The following TRIP12 variants were observed in gnomAD, a reference collection of about 807,000 sequenced individuals.
The protein encoded by TRIP12 is E3 ubiquitin-protein ligase TRIP12.
Under a neutral mutation model 244.2 loss-of-function variants are expected in TRIP12, and 25 were observed. The ratio of observed to expected loss-of-function variants is 0.10; its 90% CI spans 0.07 to 0.14. TRIP12 has a LOEUF of 0.14. Ranked by LOEUF, TRIP12 falls within the 10% of genes least tolerant of loss-of-function variation. The probability of loss-of-function intolerance (pLI) is 1.00; values close to 1 mark genes in which losing one functional copy is unlikely to be tolerated. For missense variants in TRIP12, 1,677 were observed against 2,486.4 expected, an observed-to-expected ratio of 0.67 and a Z score of 6.92; for synonymous variants, 905 against 873.1, an observed-to-expected ratio of 1.04 and a Z score of -0.64.
chr2:229,901,320 A>C (rs35285421), intron 1 of TRIP12, among the ~76,000 whole-genome samples: 16,691 of 151,836 alleles, frequency 0.11, 1,275 homozygotes, highest in East Asian at 0.21. Context: ...AACTTTGGCC[A>C]GGCGCAGTGG....
At chr2:229,869,149 T>A (rs140187033) in intron 2 of TRIP12, among the ~76,000 whole-genome samples, 1 of 152,334 alleles carries the variant, frequency 6.6e-6, no homozygotes, top group East Asian at 1.9e-4. Context: ...AGGAGATGTT[T>A]TTTCCTGTAG....
intron 15 of TRIP12, among the ~76,000 whole-genome samples, chr2:229,809,892 A>G (rs1167633013): frequency 6.6e-6 from 1 of 152,228 alleles, no homozygotes; most frequent in Admixed American, 6.5e-5. Flanking sequence ...ATACTGCTAA[A>G]TATACTGTCT....
In TRIP12 at chr2:229,809,231, ATTT is replaced by A. The variant is rs375402675; in HGVS notation, c.2222-865_2222-863del. 5.3e-5 allele frequency among the ~76,000 whole-genome samples: 8 copies of A among 150,882 alleles called. No individual in the cohort carries two copies. In the East Asian group the frequency reaches 1.4e-3, roughly 26 times the overall value. On this transcript the variant is annotated intron_variant, in intron 15 of 41. Coordinates refer to ENST00000675903, the MANE Select transcript of TRIP12 (RefSeq NM_001348323.3). ...CAGAATTTCACAATTAGTGATTAAGATTTTTTTTTTAATTACAGTTTTGCAACT... is the reference window on the plus strand; with the variant it reads ...CAGAATTTCACAATTAGTGATTAAGATTTTTTTAATTACAGTTTTGCAACT...
intron 2 of TRIP12, among the ~76,000 whole-genome samples, chr2:229,867,171 G>GTTT (rs11335613): frequency 4.0e-5 from 5 of 123,554 alleles, no homozygotes; most frequent in East Asian, 2.4e-4. Flanking sequence ...TTGTTTGTTT[G>GTTT]TTTTTTTTTT....
intron 2 of TRIP12, among the ~76,000 whole-genome samples, chr2:229,863,387 T>A (rs1050045963): frequency 6.6e-6 from 1 of 152,132 alleles, no homozygotes; most frequent in African/African-American, 2.4e-5. Context: ...GCCTATCTGT[T>A]TAGCCCATGG....
intron 11 of TRIP12, 93 bp downstream of exon 11, chr2:229,815,006 T>C: frequency 1.0e-6 from 1 of 954,188 alleles, no homozygotes; most frequent in Non-Finnish European, 1.6e-6. Flanking sequence ...CTAAAAAATA[T>C]ACTTTATTTA....
intron 21 of TRIP12, among the ~76,000 whole-genome samples, chr2:229,799,719 G>A (rs2043771705): frequency 6.6e-6 from 1 of 151,674 alleles, no homozygotes; most frequent in Admixed American, 6.6e-5. Flanking sequence ...AGCTTGCAGT[G>A]AGCCGAGATA....
At chr2:229,822,117 G>A (rs2154290976) in intron 8 of TRIP12, among the ~76,000 whole-genome samples, 1 of 152,320 alleles carries the variant, frequency 6.6e-6, no homozygotes, top group South Asian at 2.1e-4. Context: ...TCCAGCATGA[G>A]CGACAAGAGC....
Position 229,791,301 on chromosome 2 carries a change from A to T in TRIP12, c.4416-50T>A, listed in dbSNP as rs2041467868. The T allele has an allele frequency of 1.9e-6, 3 of 1,604,596 alleles. No homozygotes were observed. The South Asian group carries it at 3.3e-5, about 18-fold the overall frequency. On this transcript the variant is annotated intron_variant, in intron 29 of 41. Coordinates refer to ENST00000675903, the MANE Select transcript of TRIP12 (RefSeq NM_001348323.3). ...ACCAAATGTAGATTTTGAAACTGAT[A>T]CAAAGCCAAAATCTAAGCCACAGAC... is the stretch of plus-strand genomic sequence containing the variant.
chr2:229,855,910 C>T (rs975418245), intron 4 of TRIP12, among the ~76,000 whole-genome samples: 11 of 151,784 alleles, frequency 7.2e-5, no homozygotes, highest in Non-Finnish European at 1.2e-4. Context: ...TGGTGGCATG[C>T]GCCTGTAATC....
chr2:229,786,569 T>A, intron 33 of TRIP12, among the ~76,000 whole-genome samples: 1 of 124,944 alleles, frequency 8.0e-6, no homozygotes, highest in African/African-American at 2.9e-5. Context: ...AGATAATTTT[T>A]TTTTTTTTTT....
At chr2:229,881,495 G>C (rs1307817512) in intron 1 of TRIP12, among the ~76,000 whole-genome samples, 1 of 152,140 alleles carries the variant, frequency 6.6e-6, no homozygotes, top group East Asian at 1.9e-4. Flanking sequence ...ACTGGATTTT[G>C]TTTTAGAGAT....
At chr2:229,896,198 A>T (rs2068767159) in intron 1 of TRIP12, among the ~76,000 whole-genome samples, 1 of 152,166 alleles carries the variant, frequency 6.6e-6, no homozygotes, top group Non-Finnish European at 1.5e-5. Flanking sequence ...ATTTATTCAA[A>T]TGACAGTATC....
chr2:229,892,468 G>T (rs1026662334), intron 1 of TRIP12, among the ~76,000 whole-genome samples: 2 of 152,036 alleles, frequency 1.3e-5, no homozygotes, highest in African/African-American at 2.4e-5. Flanking sequence ...ATGTTATCTT[G>T]GAAAAATTTC....
chr2:229,856,233 G>A (rs1348565062), intron 4 of TRIP12, among the ~76,000 whole-genome samples: 3 of 152,198 alleles, frequency 2.0e-5, no homozygotes, highest in Non-Finnish European at 4.4e-5. Flanking sequence ...TGATTTAATA[G>A]TGACAACAGA....
chr2:229,911,887 G>T (rs368623500), intron 1 of TRIP12, among the ~76,000 whole-genome samples: 2 of 151,170 alleles, frequency 1.3e-5, no homozygotes, highest in Admixed American at 1.3e-4. Context: ...AAAAAAACCA[G>T]AAGTATTTAA....
At chr2:229,798,456 C>G (rs971925472) in intron 23 of TRIP12, among the ~76,000 whole-genome samples, 18 of 148,130 alleles carry the variant, frequency 1.2e-4, no homozygotes, top group African/African-American at 4.3e-4. Context: ...AAACAAGTCC[C>G]AAGGACTTAA....
rs57794819 is a variant in TRIP12, at chr2:229,903,018, C to CTTTTTTTTTTTTT, written c.-50+18849_-50+18861dup. Among the ~76,000 whole-genome samples, 21 of 104,872 alleles carry CTTTTTTTTTTTTT rather than the reference C, an allele frequency of 2.0e-4. 2 individuals carry two copies. The highest frequency in any genetic ancestry group is 5.9e-4 in the South Asian group (2 of 3,380). The allele number at this position is 104,872 out of a possible 152,430, so 68.8% of individuals were successfully genotyped here. On this transcript the variant is annotated intron_variant, in intron 1 of 41. Coordinates refer to ENST00000675903, the MANE Select transcript of TRIP12 (RefSeq NM_001348323.3). ...GGTTTTTTTTTCTTTTTCTTTTTTT[C>CTTTTTTTTTTTTT]TTTTTTTTTTTTTTTTTTGCCAGAA... is the stretch of plus-strand genomic sequence containing the variant.
chr2:229,888,767 C>A (rs2066611449), intron 1 of TRIP12, among the ~76,000 whole-genome samples: 2 of 152,006 alleles, frequency 1.3e-5, no homozygotes, highest in Non-Finnish European at 2.9e-5. Context: ...TGCGCCACTG[C>A]TCTCCAGCCT....
Sources: allele counts gnomAD v4.1 joint callset (sites outside exome capture counted in the v4.1 genomes callset), GRCh38; gene constraint gnomAD v4.1.1; transcripts MANE v1.5; gene names NCBI Gene and HGNC (gene_info 2026-07-23, HGNC 2026-07-21).